Variants in HMGN2 observed in about 807,000 individuals in gnomAD.
The protein encoded by HMGN2 is non-histone chromosomal protein HMG-17.
HMGN2 carries 2 observed loss-of-function variants against 16.9 expected under a neutral mutation model. That is an observed-to-expected ratio of 0.12 (90% CI 0.05 to 0.37). The LOEUF is 0.37. Ranked by LOEUF, HMGN2 falls within the 10% of genes least tolerant of loss-of-function variation. The pLI is 1.00. For missense variants in HMGN2, 90 were observed against 106.0 expected, an observed-to-expected ratio of 0.85 and a Z score of 0.66; for synonymous variants, 31 against 34.9, an observed-to-expected ratio of 0.89 and a Z score of 0.39.
chr1:26,473,195 G>A (rs2075586452), intron 1 of HMGN2: 1 of 436,214 alleles, frequency 2.3e-6, no homozygotes, highest in South Asian at 2.7e-5. Flanking sequence ...CTCCGCCTCC[G>A]GAGGGGGTTT....
chr1:26,473,295 T>A (rs1461031052), intron 1 of HMGN2, 188 bp from the exon 2 acceptor site: 1 of 598,634 alleles, frequency 1.7e-6, no homozygotes, highest in Non-Finnish European at 2.9e-6. Flanking sequence ...CAGCCCTCGC[T>A]TCTCGGGGTC....
chr1:26,475,006 C>G (rs2075598727), intron 5 of HMGN2, 107 bp from the exon 6 acceptor site: 1 of 914,242 alleles, frequency 1.1e-6, no homozygotes, highest in Non-Finnish European at 1.8e-6. Flanking sequence ...GTCTCAGTAC[C>G]TGAAACCTGA....
intron 1 of HMGN2, 94 bp downstream of exon 1, chr1:26,472,721 A>G (rs926209652): frequency 4.2e-6 from 5 of 1,192,114 alleles, no homozygotes; most frequent in South Asian, 2.9e-5. Flanking sequence ...GGCGCCGAGC[A>G]GGAGCCAGCG....
rs1315911806 is a variant in HMGN2 at position 26,475,639 on chromosome 1, G to T, written c.*491G>T. Reference sequence around the variant, plus strand: ...GCCACTGAGATGGCACCTGTCAAAAGAGCAGTGGTTCCATTTCTAGATTGT... The same window carrying T: ...GCCACTGAGATGGCACCTGTCAAAATAGCAGTGGTTCCATTTCTAGATTGT... On this transcript the variant is annotated 3_prime_UTR_variant, in exon 6 of 6. Coordinates refer to ENST00000361427, the MANE Select transcript of HMGN2 (RefSeq NM_005517.4). The T allele has an allele frequency of 3.1e-6, 1 of 325,440 alleles. No individual in the cohort carries two copies. Among genetic ancestry groups the T allele is most frequent in the Non-Finnish European group, 6.0e-6 (1 of 166,438 alleles). The allele number at this position is 325,440 out of a possible 1,614,324, so 20.2% of individuals were successfully genotyped here.
rs902792988 is a variant in HMGN2 at position 26,474,491 on chromosome 1, C to T, written c.142-81C>T. ...TGTGTTTTATCTTGAGTAAACAATC[C>T]TACCTTGTGCAGAACTTTGCAGACC... On this transcript the variant is annotated intron_variant, in intron 4 of 5. Coordinates refer to ENST00000361427, the MANE Select transcript of HMGN2 (RefSeq NM_005517.4). 94 of 737,084 alleles carry T rather than the reference C, an allele frequency of 1.3e-4. 4 individuals are homozygous for T. The South Asian group carries it at 1.3e-3, about 10-fold the overall frequency. 45.7% of individuals were successfully genotyped at this position (737,084 alleles called of 1,614,324 possible).
Position 26,472,649 on chromosome 1 carries a change from G to A in HMGN2, c.15+22G>A. 6 of 1,526,566 alleles carry A rather than the reference G, an allele frequency of 3.9e-6. No individual in the cohort carries two copies. In the South Asian group the frequency reaches 6.0e-5, roughly 15 times the overall value. The allele number at this position is 1,526,566 out of a possible 1,614,324, so 94.6% of individuals were successfully genotyped here. ...AAAGGTACGTGGCGCGAGGGCCCCA[G>A]GCGCCGGGCCACCACTGCCGCCACC... is the stretch of plus-strand genomic sequence containing the variant. On this transcript the variant is annotated intron_variant, in intron 1 of 5. Transcript: ENST00000361427.
rs1477499361 is a variant in HMGN2, at chr1:26,476,391, ATG to A, written c.*1247_*1248del. 6.6e-6 allele frequency among the ~76,000 whole-genome samples: 1 copy of A among 152,206 alleles called. No homozygotes were observed. Among genetic ancestry groups the A allele is most frequent in the Non-Finnish European group, 1.5e-5 (1 of 68,038 alleles). On this transcript the variant is annotated 3_prime_UTR_variant, in exon 6 of 6. Coordinates refer to ENST00000361427, the MANE Select transcript of HMGN2 (RefSeq NM_005517.4). ...CTCATGTCAGAGAGTGTCTCTGTGA[ATG>A]TGTACACAGTTGTCCATTTGTAAGG...
chr1:26,473,284 C>G (rs1258309733), intron 1 of HMGN2, 199 bp from the exon 2 acceptor site: 1 of 594,174 alleles, frequency 1.7e-6, no homozygotes, highest in Non-Finnish European at 3.0e-6. Context: ...GCGCTCCGGT[C>G]CAGCCCTCGC....
Position 26,476,451 on chromosome 1 carries a change from A to G in HMGN2, c.*1303A>G, listed in dbSNP as rs371372047. ...CACTTTGCTCCTAAGTAGACCTGCA[A>G]ACAAAGACAATGGGGTCTTTCCTGA... is the stretch of plus-strand genomic sequence containing the variant. On this transcript the variant is annotated 3_prime_UTR_variant, in exon 6 of 6. Transcript: ENST00000361427. Among the ~76,000 whole-genome samples the G allele has an allele frequency of 1.3e-4, 20 of 152,342 alleles. No individual in the cohort carries two copies. In the East Asian group the frequency reaches 1.7e-3, roughly 13 times the overall value.
chr1:26,473,549 G>A (rs1193902864), intron 2 of HMGN2, 22 bp downstream of exon 2: 1 of 1,606,194 alleles, frequency 6.2e-7, no homozygotes, highest in African/African-American at 1.3e-5. Flanking sequence ...TCTCTTCAAG[G>A]GTCAAAGCCT....
chr1:26,473,353 G>GCT (rs1175070757), intron 1 of HMGN2, 130 bp from the exon 2 acceptor site: 16 of 673,676 alleles, frequency 2.4e-5, no homozygotes, highest in Non-Finnish European at 3.4e-5. Flanking sequence ...CGAACGTCGG[G>GCT]CTCACTCATT....
At chr1:26,474,723 T>G (rs527300398) in intron 5 of HMGN2, 56 bp downstream of exon 5, 1 of 850,266 alleles carries the variant, frequency 1.2e-6, no homozygotes, top group Non-Finnish European at 2.0e-6. Flanking sequence ...GTTGCTGATA[T>G]CAAAAATTTA....
At position 26,472,538 on chromosome 1, in the gene HMGN2, C is replaced by T; in HGVS notation, c.-75C>T. On this transcript the variant is annotated 5_prime_UTR_variant, in exon 1 of 6. Coordinates refer to ENST00000361427, the MANE Select transcript of HMGN2 (RefSeq NM_005517.4). Reference sequence around the variant, plus strand: ...GTGAAGAAGAGGCGAGAACGACCCCCGGACCGACCAAAGCCCGCGCGCCGC... The same window carrying T: ...GTGAAGAAGAGGCGAGAACGACCCCTGGACCGACCAAAGCCCGCGCGCCGC... 1.6e-5 allele frequency: 25 copies of T among 1,525,784 alleles called. No individual in the cohort carries two copies. The highest frequency in any genetic ancestry group is 2.5e-5 in the East Asian group (1 of 40,728). 94.5% of individuals were successfully genotyped at this position (1,525,784 alleles called of 1,614,324 possible). A position where few individuals can be genotyped will look rare whatever the true frequency, so the allele number is the denominator to read the frequency against.
Position 26,475,959 on chromosome 1 carries a change from A to T in HMGN2, c.*811A>T, listed in dbSNP as rs1350915977. 3.4e-6 allele frequency: 1 copy of T among 291,200 alleles called. No individual in the cohort carries two copies. The highest frequency in any genetic ancestry group is 6.7e-6 in the Non-Finnish European group (1 of 148,812). The allele number at this position is 291,200 out of a possible 1,614,324, so 18.0% of individuals were successfully genotyped here. ...AAGTATCTTTAATAAAGCTGGATAC[A>T]GTTTGGCTTGGAATGCTGCCTCTGA... is the stretch of plus-strand genomic sequence containing the variant. On this transcript the variant is annotated 3_prime_UTR_variant, in exon 6 of 6. Coordinates refer to ENST00000361427, the MANE Select transcript of HMGN2 (RefSeq NM_005517.4).
In HMGN2 at chr1:26,472,542, C is replaced by T. The variant is rs2075576707; in HGVS notation, c.-71C>T. The T allele has an allele frequency of 1.8e-5, 28 of 1,529,822 alleles. No homozygotes were observed. In the South Asian group the frequency reaches 2.7e-4, roughly 15 times the overall value. The allele number at this position is 1,529,822 out of a possible 1,614,324, so 94.8% of individuals were successfully genotyped here. ...AGAAGAGGCGAGAACGACCCCCGGA[C>T]CGACCAAAGCCCGCGCGCCGCTGCA... On this transcript the variant is annotated 5_prime_UTR_variant, in exon 1 of 6. Coordinates refer to ENST00000361427, the MANE Select transcript of HMGN2 (RefSeq NM_005517.4).
At chr1:26,473,990 C>A in intron 3 of HMGN2, 95 bp from the exon 4 acceptor site, 2 of 1,080,232 alleles carry the variant, frequency 1.9e-6, no homozygotes, top group Non-Finnish European at 2.7e-6. Context: ...GGAGGAGAAA[C>A]TTCTCTACCC....
intron 5 of HMGN2, chr1:26,474,894 C>T: frequency 3.3e-6 from 2 of 608,976 alleles, no homozygotes; most frequent in Non-Finnish European, 5.9e-6. Flanking sequence ...AACCTCAGGT[C>T]TCTTATTCTG....
chr1:26,476,338 A>T lies in HMGN2; in HGVS notation c.*1190A>T, dbSNP rs1327567572. 6.6e-6 allele frequency among the ~76,000 whole-genome samples: 1 copy of T among 152,230 alleles called. No homozygotes were observed. Among genetic ancestry groups the T allele is most frequent in the Non-Finnish European group, 1.5e-5 (1 of 68,044 alleles). On this transcript the variant is annotated 3_prime_UTR_variant, in exon 6 of 6. Coordinates refer to ENST00000361427, the MANE Select transcript of HMGN2 (RefSeq NM_005517.4). Reference sequence around the variant, plus strand: ...CTCTCTACTTCCATCTGCATTTGCAACTTCTATAAAATTAGCAAATTAATA... The same window carrying T: ...CTCTCTACTTCCATCTGCATTTGCATCTTCTATAAAATTAGCAAATTAATA...
At chr1:26,474,199 T>C in intron 4 of HMGN2, 64 bp downstream of exon 4, 1 of 1,163,836 alleles carries the variant, frequency 8.6e-7, no homozygotes, top group Admixed American at 2.2e-5. Context: ...TGCCTTAACT[T>C]AATTAGCATA....
Sources: allele counts gnomAD v4.1 joint callset (sites outside exome capture counted in the v4.1 genomes callset), GRCh38; gene constraint gnomAD v4.1.1; transcripts MANE v1.5; gene names NCBI Gene and HGNC (gene_info 2026-07-23, HGNC 2026-07-21).